The following SNRNP40 variants were observed in gnomAD, a reference collection of about 807,000 sequenced individuals.
The protein encoded by SNRNP40 is U5 small nuclear ribonucleoprotein 40 kDa protein.
SNRNP40 carries 21 observed loss-of-function variants against 45.8 expected under a neutral mutation model. That is an observed-to-expected ratio of 0.46 (90% CI 0.32 to 0.66). The LOEUF is 0.66. Among genes scored for constraint, SNRNP40 ranks in the 30% least tolerant of loss-of-function variants. The pLI, the probability that SNRNP40 is intolerant of heterozygous loss-of-function variation, is 0.03. For missense variants in SNRNP40, 344 were observed against 439.1 expected (o/e 0.78, Z 1.94); for synonymous variants, 142 against 163.8 (o/e 0.87, Z 1.01).
intron 9 of SNRNP40, chr1:31,260,919 T>C (rs1417195687): frequency 4.4e-6 from 4 of 902,012 alleles, no homozygotes; most frequent in Non-Finnish European, 5.7e-6. Flanking sequence ...TGAAACAGAC[T>C]TGATGGAAGT....
At chr1:31,262,885 C>CA (rs1645869869) in intron 8 of SNRNP40, among the ~76,000 whole-genome samples, 1 of 151,766 alleles carries the variant, frequency 6.6e-6, no homozygotes, top group South Asian at 2.1e-4. Flanking sequence ...GCCTGTGGTC[C>CA]CAGCTACTTG....
chr1:31,281,397 C>T lies in SNRNP40; in HGVS notation c.631G>A (p.Gly211Ser). Residue 211 changes from glycine to serine, a missense_variant, in exon 5 of 10, where the codon GGT becomes AGT. This residue lies in a region of SNRNP40 where 254 missense variants were observed against 380.2 expected (regional missense o/e 0.67). Transcript: ENST00000263694. ...ACCTTGATATCATTGTCTATTCCAC[C>T]AGAAATAATCTGATCACTTGTGTCA... ...FNDTSDQIIS[G>S]GIDNDIKVWD... 6.3e-7 allele frequency: 1 copy of T among 1,597,980 alleles called. No individual in the cohort carries two copies. Among genetic ancestry groups the T allele is most frequent in the Non-Finnish European group, 8.6e-7 (1 of 1,167,152 alleles).
chr1:31,293,523 A>G (rs1039579500), intron 1 of SNRNP40, among the ~76,000 whole-genome samples, 175 bp from the exon 2 acceptor site: 3 of 152,152 alleles, frequency 2.0e-5, no homozygotes, highest in Non-Finnish European at 4.4e-5. Context: ...ACTCTCTGAA[A>G]CTTTCCATTA....
chr1:31,271,429 C>T lies in SNRNP40; in HGVS notation c.725G>A (p.Ser242Asn). 1 of 1,614,014 alleles carries T rather than the reference C, an allele frequency of 6.2e-7. No homozygotes were observed. ...RGHADSVTGL[S>N]LSSEGSYLLS... is the part of the protein sequence containing the mutation. Reference sequence around the variant, plus strand: ...AAGATAAGAGCCTTCAGAACTTAAACTCAGGCCAGTCACTGAATCTGCATG... The same window carrying T: ...AAGATAAGAGCCTTCAGAACTTAAATTCAGGCCAGTCACTGAATCTGCATG... Residue 242 changes from serine to asparagine, a missense_variant, in exon 6 of 10, where the codon AGT becomes AAT. By Grantham distance (46) the Ser-to-Asn change is conservative. This residue lies in a region of SNRNP40 where 254 missense variants were observed against 380.2 expected (regional missense o/e 0.67). Coordinates refer to ENST00000263694, the MANE Select transcript of SNRNP40 (RefSeq NM_004814.3).
At chr1:31,267,838 A>C (rs1394127402) in intron 8 of SNRNP40, 33 bp downstream of exon 8, 8 of 1,573,996 alleles carry the variant, frequency 5.1e-6, no homozygotes, top group Non-Finnish European at 7.0e-6. Context: ...GGCCAGCTAC[A>C]TCATTCTTTA....
At chr1:31,275,417 CAG>C (rs1449410662) in intron 5 of SNRNP40, among the ~76,000 whole-genome samples, 1 of 106,730 alleles carries the variant, frequency 9.4e-6, no homozygotes, top group Non-Finnish European at 1.9e-5. Context: ...CTAATCAGGA[CAG>C]AGTCTCACTC....
chr1:31,275,921 A>T (rs1645971486), intron 5 of SNRNP40, among the ~76,000 whole-genome samples: 1 of 152,240 alleles, frequency 6.6e-6, no homozygotes, highest in African/African-American at 2.4e-5. Context: ...TTCATCTGGA[A>T]ATCTATTCTA....
intron 5 of SNRNP40, among the ~76,000 whole-genome samples, chr1:31,278,833 T>A (rs536250080): frequency 1.2e-4 from 18 of 151,976 alleles, no homozygotes; most frequent in Admixed American, 6.6e-4. Flanking sequence ...ACGAGATCTG[T>A]CTTGGGGAAT....
intron 3 of SNRNP40, among the ~76,000 whole-genome samples, chr1:31,291,151 G>A (rs1293079564): frequency 6.6e-6 from 1 of 151,786 alleles, no homozygotes; most frequent in African/African-American, 2.4e-5. Flanking sequence ...AGCCAGGCAC[G>A]GTGATGCATC....
At chr1:31,273,751 T>TA (rs1645954887) in intron 5 of SNRNP40, among the ~76,000 whole-genome samples, 1 of 152,128 alleles carries the variant, frequency 6.6e-6, no homozygotes, top group South Asian at 2.1e-4. Context: ...TGCTGGAGAT[T>TA]AAAAAAAGAC....
At chr1:31,280,841 C>T (rs946328536) in intron 5 of SNRNP40, among the ~76,000 whole-genome samples, 3 of 151,660 alleles carry the variant, frequency 2.0e-5, no homozygotes, top group African/African-American at 7.3e-5. Context: ...TGCTTGAAGT[C>T]ACAAAACTAG....
At chr1:31,289,473 A>C (rs1452142750) in intron 3 of SNRNP40, 54 bp from the exon 4 acceptor site, 2 of 1,522,146 alleles carry the variant, frequency 1.3e-6, no homozygotes, top group Non-Finnish European at 1.8e-6. Context: ...AACAGTAACA[A>C]TCTATCTTTC....
intron 1 of SNRNP40, among the ~76,000 whole-genome samples, chr1:31,293,638 G>C (rs956449114): frequency 1.3e-5 from 2 of 152,198 alleles, no homozygotes; most frequent in African/African-American, 4.8e-5. Flanking sequence ...CTGGACTGCA[G>C]TAGTGTGATC....
chr1:31,288,399 T>TA (rs1435646843), intron 4 of SNRNP40, among the ~76,000 whole-genome samples: 2 of 152,154 alleles, frequency 1.3e-5, no homozygotes, highest in African/African-American at 4.8e-5. Flanking sequence ...TCCTTATTTA[T>TA]AAAATGAGGA....
chr1:31,260,009 G>T lies in SNRNP40; in HGVS notation c.*63C>A. Reference sequence around the variant, plus strand: ...TGCTAGCCTGGACATCCAACATTTGGCATCACTTATGCAGTCTGAGGTCTC... The same window carrying T: ...TGCTAGCCTGGACATCCAACATTTGTCATCACTTATGCAGTCTGAGGTCTC... On this transcript the variant is annotated 3_prime_UTR_variant, in exon 10 of 10. Coordinates refer to ENST00000263694, the MANE Select transcript of SNRNP40 (RefSeq NM_004814.3). The T allele has an allele frequency of 2.5e-6, 3 of 1,180,938 alleles. No homozygotes were observed. The highest frequency in any genetic ancestry group is 3.8e-6 in the Non-Finnish European group (3 of 785,134). 73.2% of individuals were successfully genotyped at this position (1,180,938 alleles called of 1,614,324 possible). A position where few individuals can be genotyped will look rare whatever the true frequency, so the allele number is the denominator to read the frequency against.
chr1:31,281,248 T>C, intron 5 of SNRNP40, 126 bp downstream of exon 5: 1 of 698,722 alleles, frequency 1.4e-6, no homozygotes, highest in Non-Finnish European at 2.3e-6. Flanking sequence ...GAAAATAAGT[T>C]CCAAGTTACT....
intron 2 of SNRNP40, 61 bp from the exon 3 acceptor site, chr1:31,292,067 A>T (rs1299485426): frequency 1.4e-5 from 17 of 1,191,102 alleles, no homozygotes; most frequent in Non-Finnish European, 2.1e-5. Context: ...AATTTATCAG[A>T]ACAACAGTTC....
At chr1:31,276,473 T>TA (rs1645975677) in intron 5 of SNRNP40, among the ~76,000 whole-genome samples, 1 of 151,914 alleles carries the variant, frequency 6.6e-6, no homozygotes, top group South Asian at 2.1e-4. Context: ...TAGTTAAGGA[T>TA]ATACTTTCCA....
intron 4 of SNRNP40, among the ~76,000 whole-genome samples, chr1:31,283,369 G>T (rs1437941207): frequency 6.6e-6 from 1 of 152,196 alleles, no homozygotes; most frequent in Non-Finnish European, 1.5e-5. Flanking sequence ...TTGGGAGGCC[G>T]AGGTGGATGG....
Sources: gnomAD v4.1 joint callset for allele counts (sites outside exome capture counted in the v4.1 genomes callset) on GRCh38, gnomAD v4.1.1 for gene constraint, gnomAD v4.1.1 regional missense constraint, MANE v1.5 for transcripts, NCBI Gene and HGNC (gene_info 2026-07-23, HGNC 2026-07-21) for gene names.